PCSK2: variants seen among roughly 807,000 people sequenced by gnomAD.
The protein encoded by PCSK2 is neuroendocrine convertase 2.
A neutral mutation model predicts 69.7 loss-of-function variants in PCSK2; 14 were observed. That is an observed-to-expected ratio of 0.20 (90% CI 0.13 to 0.31). The LOEUF (loss-of-function observed/expected upper bound fraction) is 0.31. Among genes scored for constraint, PCSK2 ranks in the 10% least tolerant of loss-of-function variants. PCSK2 has a pLI of 1.00. For synonymous variants in PCSK2, 307 were observed against 320.7 expected, an observed-to-expected ratio of 0.96 and a Z score of 0.46; for missense variants, 544 against 842.5, an observed-to-expected ratio of 0.65 and a Z score of 4.39.
At chr20:17,246,192 T>G (rs1487028003) in intron 1 of PCSK2, among the ~76,000 whole-genome samples, 1 of 152,220 alleles carries the variant, frequency 6.6e-6, no homozygotes, top group Admixed American at 6.5e-5. Flanking sequence ...CCAAGATAAT[T>G]TTGAAAGATG....
intron 2 of PCSK2, among the ~76,000 whole-genome samples, chr20:17,297,065 C>A (rs1988918218): frequency 6.6e-6 from 1 of 151,964 alleles, no homozygotes; most frequent in African/African-American, 2.4e-5. Context: ...AATCGTATAA[C>A]CTTCATTAAT....
intron 1 of PCSK2, among the ~76,000 whole-genome samples, chr20:17,236,680 T>A (rs966283291): frequency 2.0e-5 from 3 of 152,162 alleles, no homozygotes; most frequent in African/African-American, 7.2e-5. Context: ...CAATTACAAA[T>A]TCATTTTTAT....
intron 2 of PCSK2, among the ~76,000 whole-genome samples, chr20:17,342,627 C>T (rs2123175047): frequency 1.3e-5 from 2 of 149,818 alleles, no homozygotes; most frequent in Middle Eastern, 3.5e-3. Flanking sequence ...CTATAAAGCT[C>T]TTTAATAAAC....
chr20:17,282,287 T>C (rs1988345690), intron 2 of PCSK2, among the ~76,000 whole-genome samples: 1 of 152,154 alleles, frequency 6.6e-6, no homozygotes, highest in Non-Finnish European at 1.5e-5. Context: ...ATGTATATTC[T>C]GCATATCATA....
chr20:17,238,591 A>G (rs1176791502), intron 1 of PCSK2, among the ~76,000 whole-genome samples: 1 of 152,146 alleles, frequency 6.6e-6, no homozygotes, highest in Non-Finnish European at 1.5e-5. Flanking sequence ...CATTATTGAT[A>G]TCACTGAACC....
Position 17,376,838 on chromosome 20 carries a change from A to G in PCSK2, c.543+7561A>G, listed in dbSNP as rs576280549. Among the ~76,000 whole-genome samples, 5 of 152,354 alleles carry G rather than the reference A, an allele frequency of 3.3e-5. No individual in the cohort carries two copies. The East Asian group carries it at 9.6e-4, about 29-fold the overall frequency. ...TCACAGTGTTAAGCAAGCACTTAAT[A>G]CATATTTGTTAAATTGCATTAAATG... On this transcript the variant is annotated intron_variant, in intron 5 of 11. Transcript: ENST00000262545.
intron 2 of PCSK2, among the ~76,000 whole-genome samples, chr20:17,332,857 T>C (rs1990240793): frequency 6.6e-6 from 1 of 152,168 alleles, no homozygotes; most frequent in South Asian, 2.1e-4. Flanking sequence ...ATATATGCAA[T>C]ATAGTCTTTG....
chr20:17,454,675 G>T (rs1046918733), intron 9 of PCSK2, among the ~76,000 whole-genome samples: 10 of 152,172 alleles, frequency 6.6e-5, no homozygotes, highest in African/African-American at 1.2e-4. Flanking sequence ...TTTGCTCACA[G>T]ATCAGCCTTT....
At chr20:17,437,019 C>A in intron 8 of PCSK2, 136 bp downstream of exon 8, 1 of 730,798 alleles carries the variant, frequency 1.4e-6, no homozygotes, top group Non-Finnish European at 2.1e-6. Context: ...AGCACAGGGG[C>A]TTAGCCATGC....
intron 5 of PCSK2, among the ~76,000 whole-genome samples, chr20:17,403,342 T>G (rs1471042139): frequency 6.6e-6 from 1 of 152,236 alleles, no homozygotes. Flanking sequence ...CAGTCAAAAG[T>G]GAGCGGAACA....
chr20:17,437,215 C>T (rs1248281420), intron 8 of PCSK2, among the ~76,000 whole-genome samples: 4 of 152,220 alleles, frequency 2.6e-5, no homozygotes, highest in Admixed American at 2.6e-4. Context: ...GCACTGGCAC[C>T]CCCACCACCC....
intron 5 of PCSK2, among the ~76,000 whole-genome samples, chr20:17,393,083 G>A (rs532465107): frequency 3.0e-4 from 46 of 152,270 alleles, no homozygotes; most frequent in South Asian, 2.5e-3. Flanking sequence ...GCCTTGGTCT[G>A]TGAGTAAATG....
intron 2 of PCSK2, among the ~76,000 whole-genome samples, chr20:17,316,405 TATC>T (rs1016421265): frequency 2.6e-5 from 4 of 152,210 alleles, no homozygotes; most frequent in Admixed American, 6.5e-5. Context: ...AGAGGTGAAA[TATC>T]ATGTAAGCAA....
At chr20:17,311,726 A>G (rs1412822166) in intron 2 of PCSK2, among the ~76,000 whole-genome samples, 1 of 152,192 alleles carries the variant, frequency 6.6e-6, no homozygotes, top group Non-Finnish European at 1.5e-5. Context: ...ACCCCCATAG[A>G]TGACCCTACA....
Position 17,481,733 on chromosome 20 carries a change from C to A in PCSK2, c.1580C>A (p.Ser527Tyr). Residue 527 changes from serine to tyrosine, a missense_variant, in exon 12 of 12, where the codon TCC becomes TAC. Physicochemically the swap from Ser to Tyr is moderately radical, Grantham distance 144. This residue lies in a region of PCSK2 where 200 missense variants were observed against 287.8 expected (regional missense o/e 0.69). Transcript: ENST00000262545. ...RRGDLNINMT[S>Y]PMGTKSILLS... ...GGAGACCTGAACATCAACATGACTTCCCCTATGGGCACCAAGTCCATTTTG... is the reference window on the plus strand; with the variant it reads ...GGAGACCTGAACATCAACATGACTTACCCTATGGGCACCAAGTCCATTTTG... 2 of 1,614,120 alleles carry A rather than the reference C, an allele frequency of 1.2e-6. No homozygotes were observed. Among genetic ancestry groups the A allele is most frequent in the Non-Finnish European group, 1.7e-6 (2 of 1,180,014 alleles).
At chr20:17,276,204 A>T (rs1224243426) in intron 2 of PCSK2, among the ~76,000 whole-genome samples, 1 of 152,192 alleles carries the variant, frequency 6.6e-6, no homozygotes, top group African/African-American at 2.4e-5. Flanking sequence ...CATCTTACCA[A>T]AATGATAGTT....
intron 2 of PCSK2, among the ~76,000 whole-genome samples, chr20:17,309,140 A>G (rs1271739947): frequency 6.6e-6 from 1 of 152,182 alleles, no homozygotes; most frequent in East Asian, 1.9e-4. Flanking sequence ...CAGATCATGG[A>G]GGGCTTGGCA....
intron 2 of PCSK2, among the ~76,000 whole-genome samples, chr20:17,268,927 C>T (rs1196705098): frequency 6.6e-6 from 1 of 152,104 alleles, no homozygotes; most frequent in African/African-American, 2.4e-5. Flanking sequence ...TTCGTTGATG[C>T]ATTTGCTGAT....
chr20:17,380,572 C>A (rs144407249), intron 5 of PCSK2, among the ~76,000 whole-genome samples: 17 of 152,204 alleles, frequency 1.1e-4, no homozygotes, highest in African/African-American at 3.6e-4. Flanking sequence ...CTGATCTTAC[C>A]GGTGATTGTG....
Sources: gnomAD v4.1 joint callset for allele counts (sites outside exome capture counted in the v4.1 genomes callset) on GRCh38, gnomAD v4.1.1 for gene constraint, gnomAD v4.1.1 regional missense constraint, MANE v1.5 for transcripts, NCBI Gene and HGNC (gene_info 2026-07-23, HGNC 2026-07-21) for gene names.